The following FAT4 variants were observed in gnomAD, a reference collection of about 807,000 sequenced individuals.
FAT4 encodes FAT atypical cadherin 4, also known as protocadherin Fat 4.
A neutral mutation model predicts 303.9 loss-of-function variants in FAT4; 84 were observed. The ratio of observed to expected loss-of-function variants is 0.28; its 90% CI spans 0.23 to 0.33. The LOEUF (loss-of-function observed/expected upper bound fraction) is 0.33, where lower values mean the gene tolerates loss of function less well. Ranked by LOEUF, FAT4 falls within the 10% of genes least tolerant of loss-of-function variation. FAT4 has a pLI of 1.00. For synonymous variants in FAT4, 2,307 were observed against 2,298.8 expected, an observed-to-expected ratio of 1.00 and a Z score of -0.10; for missense variants, 6,005 against 6,146.8, an observed-to-expected ratio of 0.98 and a Z score of 0.77.
At chr4:125,357,186 A>T (rs1020102060) in intron 2 of FAT4, among the ~76,000 whole-genome samples, 1 of 152,150 alleles carries the variant, frequency 6.6e-6, no homozygotes, top group Non-Finnish European at 1.5e-5. Context: ...GAGTACCTGT[A>T]AACAAAAAGA....
At chr4:125,470,183 A>G (rs1251236746) in intron 12 of FAT4, among the ~76,000 whole-genome samples, 1 of 152,206 alleles carries the variant, frequency 6.6e-6, no homozygotes, top group Non-Finnish European at 1.5e-5. Context: ...AGGCTAAAAA[A>G]TATTCAATAA....
Position 125,368,522 on chromosome 4 carries a change from G to GTATATA in FAT4, c.5176-30249_5176-30244dup, listed in dbSNP as rs11391727. On this transcript the variant is annotated intron_variant, in intron 2 of 17. Coordinates refer to ENST00000394329, the MANE Select transcript of FAT4 (RefSeq NM_001291303.3). ...ATATGTATGTATATATTATATATAT[G>GTATATA]TATATATATATATATATAAAAATCA... Among the ~76,000 whole-genome samples, 21 of 133,798 alleles carry GTATATA rather than the reference G, an allele frequency of 1.6e-4. No individual in the cohort carries two copies. The East Asian group carries it at 1.8e-3, about 12-fold the overall frequency. 87.8% of individuals were successfully genotyped at this position (133,798 alleles called of 152,430 possible).
intron 12 of FAT4, among the ~76,000 whole-genome samples, chr4:125,472,456 C>T (rs1276153116): frequency 6.6e-6 from 1 of 152,012 alleles, no homozygotes; most frequent in Non-Finnish European, 1.5e-5. Context: ...TTCCCTATGA[C>T]ACGTAGTTAA....
At chr4:125,361,366 C>T (rs529991694) in intron 2 of FAT4, among the ~76,000 whole-genome samples, 1 of 152,200 alleles carries the variant, frequency 6.6e-6, no homozygotes, top group African/African-American at 2.4e-5. Context: ...AATTGTTAAT[C>T]CGGAAGGCAC....
At position 125,463,672 on chromosome 4, in the gene FAT4, G is replaced by A. The variant is rs1232215492; in HGVS notation, c.11905+5G>A. ...ATTATTGTCATTGTCCATTTGGTGA[G>A]TAAAACTTATTTGTTGATATAAAAT... On this transcript the variant is annotated splice_donor_5th_base_variant and intron_variant, in intron 11 of 17. Transcript: ENST00000394329. The A allele has an allele frequency of 6.6e-7, 1 of 1,516,410 alleles. No homozygotes were observed. Among genetic ancestry groups the A allele is most frequent in the Non-Finnish European group, 9.0e-7 (1 of 1,116,356 alleles). 93.9% of individuals were successfully genotyped at this position (1,516,410 alleles called of 1,614,324 possible). A position where few individuals can be genotyped will look rare whatever the true frequency, so the allele number is the denominator to read the frequency against.
chr4:125,438,182 T>C (rs1424035968), intron 8 of FAT4, among the ~76,000 whole-genome samples: 1 of 152,218 alleles, frequency 6.6e-6, no homozygotes, highest in Non-Finnish European at 1.5e-5. Flanking sequence ...GTATGAGATG[T>C]ATAAATTCCT....
At chr4:125,338,762 C>T (rs1344201879) in intron 2 of FAT4, among the ~76,000 whole-genome samples, 1 of 152,046 alleles carries the variant, frequency 6.6e-6, no homozygotes, top group African/African-American at 2.4e-5. Context: ...TTTCATAAGG[C>T]TTTGTCTGCA....
chr4:125,467,564 G>C (rs1342092925), intron 11 of FAT4, among the ~76,000 whole-genome samples: 1 of 152,022 alleles, frequency 6.6e-6, no homozygotes, highest in Non-Finnish European at 1.5e-5. Context: ...CAAACAAATG[G>C]GAATGCTGAC....
At chr4:125,442,692 CT>C (rs1445665846) in intron 8 of FAT4, among the ~76,000 whole-genome samples, 14 of 152,204 alleles carry the variant, frequency 9.2e-5, no homozygotes, top group African/African-American at 3.1e-4. Context: ...TCCCCTAGAT[CT>C]CTCATTATGT....
chr4:125,356,542 G>GTTTTT (rs1230221758), intron 2 of FAT4, among the ~76,000 whole-genome samples: 28 of 98,418 alleles, frequency 2.8e-4, no homozygotes, highest in African/African-American at 9.2e-4. Context: ...AGGGTGTTTT[G>GTTTTT]TTTTTTGTTT....
intron 2 of FAT4, among the ~76,000 whole-genome samples, chr4:125,396,956 ATATATATAT>A (rs1560797505): frequency 1.3e-4 from 13 of 97,672 alleles, no homozygotes; most frequent in Admixed American, 3.9e-4. Flanking sequence ...ATATATATAT[ATATATATAT>A]AAAATATGTA....
In FAT4 at chr4:125,450,947, G is replaced by C; in HGVS notation, c.9937G>C (p.Ala3313Pro). 2 of 1,614,128 alleles carry C rather than the reference G, an allele frequency of 1.2e-6. No individual in the cohort carries two copies. The highest frequency in any genetic ancestry group is 1.7e-6 in the Non-Finnish European group (2 of 1,180,004). The change falls in exon 10 of 18, where the codon GCT becomes CCT. Residue 3313 changes from alanine (A) to proline (P), a missense_variant. Coordinates refer to ENST00000394329, the MANE Select transcript of FAT4 (RefSeq NM_001291303.3). ...KLYYFEISEA[A>P]PKGTIVGEVF... ...TTACTATTTTGAAATCTCAGAAGCA[G>C]CTCCTAAAGGTACTATTGTTGGAGA...
In FAT4 at chr4:125,317,494, C is replaced by G. The variant is rs1730666627; in HGVS notation, c.1083C>G (p.Thr361=). 6.2e-7 allele frequency: 1 copy of G among 1,613,810 alleles called. No individual in the cohort carries two copies. Among genetic ancestry groups the G allele is most frequent in the Non-Finnish European group, 8.5e-7 (1 of 1,180,044 alleles). ...TGAAGTTCCGCTACTTCCCGGCCAC[C>G]TCGCGCTACGCCTCGGTAGATGAGA... ...PVVKFRYFPA[T]SRYASVDENA... The change falls in exon 2 of 18, where the codon ACC becomes ACG. Residue 361 remains threonine, a synonymous_variant. Coordinates refer to ENST00000394329, the MANE Select transcript of FAT4 (RefSeq NM_001291303.3). This position sits in a 1 kb window ranked among gnomAD's most constrained non-coding sequence, Gnocchi z 7.0.
chr4:125,356,553 T>G (rs969332558), intron 2 of FAT4, among the ~76,000 whole-genome samples: 11 of 71,476 alleles, frequency 1.5e-4, no homozygotes, highest in South Asian at 7.4e-4. Context: ...TTTTTTGTTT[T>G]TTTTTTTTTT....
chr4:125,452,181 T>A lies in FAT4; in HGVS notation c.11171T>A (p.Val3724Glu). The A allele has an allele frequency of 6.2e-7, 1 of 1,614,240 alleles. No homozygotes were observed. The highest frequency in any genetic ancestry group is 8.5e-7 in the Non-Finnish European group (1 of 1,180,040). Residue 3724 changes from valine (V) to glutamate (E), a missense_variant, in exon 10 of 18, where the codon GTA becomes GAA. Val to Glu is a moderately radical substitution (Grantham distance 121). Transcript: ENST00000394329. ...TTACTTCGTCTCGGCGTACCAACAG[T>A]AAAGGACTTCTTGACCAACCACTAT... ...SILLRLGVPT[V>E]KDFLTNHYLH... is the part of the protein sequence containing the mutation.
At position 125,319,255 on chromosome 4, in the gene FAT4, T is replaced by C; in HGVS notation, c.2844T>C (p.Thr948=). ...TTGCTATCAATGAAAAGAATGGCAC[T>C]ATTAGTCTGCTTGGGCCCCTGGATG... ...NLFAINEKNG[T]ISLLGPLDVH... is the part of the protein sequence containing the mutation. The change falls in exon 2 of 18, where the codon ACT becomes ACC. Residue 948 remains threonine (T), a synonymous_variant. Transcript: ENST00000394329. The C allele has an allele frequency of 1.2e-6, 2 of 1,614,152 alleles. No homozygotes were observed. Among genetic ancestry groups the C allele is most frequent in the Non-Finnish European group, 8.5e-7 (1 of 1,180,008 alleles).
rs1406287448 is a variant in FAT4 at position 125,415,754 on chromosome 4, A to G, written c.6791A>G (p.Tyr2264Cys). The G allele has an allele frequency of 5.0e-6, 8 of 1,613,890 alleles. No individual in the cohort carries two copies. Among genetic ancestry groups the G allele is most frequent in the Non-Finnish European group, 6.8e-6 (8 of 1,179,852 alleles). The change falls in exon 6 of 18, where the codon TAT becomes TGT. Residue 2264 changes from tyrosine to cysteine, a missense_variant. Tyr to Cys is a radical substitution (Grantham distance 194). Transcript: ENST00000394329. Reference protein sequence around the residue: ...DFVPVFELSPYSVNVPENLGT... With the variant: ...DFVPVFELSPCSVNVPENLGT... ...GTTCCTGTATTTGAGCTATCTCCAT[A>G]TTCTGTAAATGTCCCTGAGAATTTA...
rs549700321 is a variant in FAT4, at chr4:125,326,898, G to A, written c.5175+5312G>A. Among the ~76,000 whole-genome samples, 9 of 152,148 alleles carry A rather than the reference G, an allele frequency of 5.9e-5. No individual in the cohort carries two copies. The South Asian group carries it at 1.2e-3, about 21-fold the overall frequency. ...AAATTTGCCGGGCATGGTGGTGCAC[G>A]CCTGTAGTCCCAGCTACTTGGGAGG... On this transcript the variant is annotated intron_variant, in intron 2 of 17. Coordinates refer to ENST00000394329, the MANE Select transcript of FAT4 (RefSeq NM_001291303.3).
At chr4:125,420,837 T>A (rs184468323) in intron 7 of FAT4, among the ~76,000 whole-genome samples, 94 of 152,342 alleles carry the variant, frequency 6.2e-4, no homozygotes, top group Non-Finnish European at 1.3e-3. Context: ...GTATTGCTAC[T>A]CTGTGCTTTA....
Sources: allele counts gnomAD v4.1 joint callset (sites outside exome capture counted in the v4.1 genomes callset), GRCh38; gene constraint gnomAD v4.1.1; non-coding constraint Gnocchi (gnomAD v3.1); transcripts MANE v1.5; gene names NCBI Gene and HGNC (gene_info 2026-07-23, HGNC 2026-07-21).